PLPPR1: variants seen among roughly 807,000 people sequenced by gnomAD.
The protein encoded by PLPPR1 is phospholipid phosphatase related 1.
A neutral mutation model predicts 33.1 loss-of-function variants in PLPPR1; 10 were observed. The ratio of observed to expected loss-of-function variants is 0.30; its 90% CI spans 0.19 to 0.51. PLPPR1 has a LOEUF of 0.51. Among genes scored for constraint, PLPPR1 ranks in the 20% least tolerant of loss-of-function variants. The probability of loss-of-function intolerance (pLI) is 0.97; values close to 1 mark genes in which losing one functional copy is unlikely to be tolerated. For synonymous variants in PLPPR1, 151 were observed against 151.0 expected (o/e 1.00, Z 0.00); for missense variants, 304 against 408.1 (o/e 0.74, Z 2.20).
At chr9:101,321,836 CATTTAA>C (rs1188225376) in intron 7 of PLPPR1, among the ~76,000 whole-genome samples, 1 of 147,720 alleles carries the variant, frequency 6.8e-6, no homozygotes, top group Admixed American at 6.8e-5. Flanking sequence ...ACATACATAT[CATTTAA>C]TTTTGATTGG....
intron 2 of PLPPR1, among the ~76,000 whole-genome samples, chr9:101,211,047 G>A (rs535558923): frequency 1.8e-4 from 28 of 152,296 alleles, no homozygotes; most frequent in Admixed American, 1.5e-3. Context: ...GATTACAGGC[G>A]TAAGCCACCG....
At chr9:101,126,122 G>T (rs1215960132) in intron 1 of PLPPR1, among the ~76,000 whole-genome samples, 3 of 152,148 alleles carry the variant, frequency 2.0e-5, no homozygotes, top group Admixed American at 6.5e-5. Flanking sequence ...TCAGATACTT[G>T]ATTAACCCAA....
intron 1 of PLPPR1, among the ~76,000 whole-genome samples, chr9:101,153,533 C>T (rs577884543): frequency 6.6e-6 from 1 of 152,188 alleles, no homozygotes; most frequent in African/African-American, 2.4e-5. Flanking sequence ...GTGGGTTTGT[C>T]ATAAATAGCT....
chr9:101,101,984 G>T (rs1830906632), intron 1 of PLPPR1, among the ~76,000 whole-genome samples: 1 of 150,602 alleles, frequency 6.6e-6, no homozygotes, highest in African/African-American at 2.4e-5. Context: ...CTTCCATGCT[G>T]TTTATAAGTT....
At chr9:101,154,209 A>C (rs949143502) in intron 1 of PLPPR1, among the ~76,000 whole-genome samples, 1 of 152,168 alleles carries the variant, frequency 6.6e-6, no homozygotes, top group Non-Finnish European at 1.5e-5. Flanking sequence ...TGGTATCAGG[A>C]TGATCCTGGC....
intron 1 of PLPPR1, among the ~76,000 whole-genome samples, chr9:101,050,022 G>A (rs1830199497): frequency 1.3e-5 from 2 of 151,292 alleles, no homozygotes; most frequent in Non-Finnish European, 2.9e-5. Context: ...CTACTCGGGA[G>A]GCTGAGGCAG....
rs768050992 is a variant in PLPPR1, at chr9:101,269,993, C to T, written c.177C>T (p.Tyr59=). ...AGGACGGAGACTTAATGAAGCCTTA[C>T]CCAGGGACAGAGGAAGAAAGCTTCA... ...FCQDGDLMKP[Y]PGTEEESFIT... Residue 59 remains tyrosine (Y), a synonymous_variant, in exon 3 of 8, where the codon TAC becomes TAT. Coordinates refer to ENST00000374874, the MANE Select transcript of PLPPR1 (RefSeq NM_207299.2). The T allele has an allele frequency of 2.7e-5, 43 of 1,614,050 alleles. No individual in the cohort carries two copies. Among genetic ancestry groups the T allele is most frequent in the Middle Eastern group, 3.3e-4 (2 of 6,074 alleles).
intron 1 of PLPPR1, among the ~76,000 whole-genome samples, chr9:101,156,439 A>G (rs1319758215): frequency 2.0e-5 from 3 of 149,802 alleles, no homozygotes; most frequent in Non-Finnish European, 3.0e-5. Flanking sequence ...GGTCCCAACT[A>G]TTTGGGGGTG....
chr9:101,180,120 A>AT (rs1826078776), intron 1 of PLPPR1, among the ~76,000 whole-genome samples: 2 of 52,292 alleles, frequency 3.8e-5, no homozygotes, highest in Non-Finnish European at 8.6e-5. Context: ...ATATATATAT[A>AT]TATATATATA....
At chr9:101,034,276 A>G (rs1829983409) in intron 1 of PLPPR1, among the ~76,000 whole-genome samples, 1 of 152,116 alleles carries the variant, frequency 6.6e-6, no homozygotes. Flanking sequence ...GAGCATGCAA[A>G]GATATATTTG....
intron 2 of PLPPR1, among the ~76,000 whole-genome samples, chr9:101,230,850 C>G (rs1827169371): frequency 6.9e-6 from 1 of 145,436 alleles, no homozygotes; most frequent in Non-Finnish European, 1.5e-5. Flanking sequence ...TTGAACTAGT[C>G]ATTCTCTGCT....
Position 101,169,931 on chromosome 9 carries a change from C to T in PLPPR1, c.-45-15519C>T, listed in dbSNP as rs117438048. Among the ~76,000 whole-genome samples, 4 of 151,504 alleles carry T rather than the reference C, an allele frequency of 2.6e-5. No individual in the cohort carries two copies. The East Asian group carries it at 7.8e-4, about 30-fold the overall frequency. On this transcript the variant is annotated intron_variant, in intron 1 of 7. Coordinates refer to ENST00000374874, the MANE Select transcript of PLPPR1 (RefSeq NM_207299.2). ...GTTGCAGTAGGCAGAGATGATTGAC[C>T]TGAGACTTAGATTAAGACTATATTG...
Position 101,312,972 on chromosome 9 carries a change from C to A in PLPPR1, c.811C>A (p.Leu271Met). 1 of 1,614,006 alleles carries A rather than the reference C, an allele frequency of 6.2e-7. No individual in the cohort carries two copies. The highest frequency in any genetic ancestry group is 8.5e-7 in the Non-Finnish European group (1 of 1,179,896). ...FILGTAVALF[L>M]GMCVVHNFKG... ...CCTGGGCACTGCAGTGGCCCTGTTT[C>A]TGGTAGGTTGACTTCCCTCTTTTTA... is the stretch of plus-strand genomic sequence containing the variant. The change falls in exon 6 of 8, where the codon CTG (leucine) becomes ATG (methionine). Residue 271 changes from leucine (L) to methionine (M), a missense_variant and splice_region_variant. Transcript: ENST00000374874.
intron 2 of PLPPR1, among the ~76,000 whole-genome samples, chr9:101,234,107 G>C (rs928538715): frequency 1.1e-4 from 16 of 151,712 alleles, no homozygotes; most frequent in African/African-American, 3.9e-4. Context: ...TCTCCTCTAG[G>C]TTCATGGTCC....
At chr9:101,166,448 T>C (rs1825859723) in intron 1 of PLPPR1, among the ~76,000 whole-genome samples, 1 of 152,176 alleles carries the variant, frequency 6.6e-6, no homozygotes, top group South Asian at 2.1e-4. Flanking sequence ...AGGCAAGAAG[T>C]TGTGAAACTT....
Position 101,306,348 on chromosome 9 carries a change from C to T in PLPPR1, c.386-2863C>T, listed in dbSNP as rs527537807. Among the ~76,000 whole-genome samples, 17 of 152,330 alleles carry T rather than the reference C, an allele frequency of 1.1e-4. No homozygotes were observed. The East Asian group carries it at 2.9e-3, about 26-fold the overall frequency. ...CCTGAGGCGGGGAGCCTGTAAGTAC[C>T]TCTTTACTTCTGTAATCAGAACAGG... is the stretch of plus-strand genomic sequence containing the variant. On this transcript the variant is annotated intron_variant, in intron 4 of 7. Transcript: ENST00000374874.
intron 1 of PLPPR1, among the ~76,000 whole-genome samples, chr9:101,163,300 G>A (rs72741445): frequency 0.15 from 22,298 of 152,102 alleles, 1,985 homozygotes; most frequent in Non-Finnish European, 0.2. Flanking sequence ...AAATGCTGAG[G>A]GTAAGAACTT....
intron 1 of PLPPR1, among the ~76,000 whole-genome samples, chr9:101,162,529 C>A (rs569255189): frequency 5.3e-5 from 8 of 152,352 alleles, no homozygotes; most frequent in Middle Eastern, 3.4e-3. Flanking sequence ...TTTGTGCCAA[C>A]AGCATATGTA....
intron 4 of PLPPR1, among the ~76,000 whole-genome samples, chr9:101,299,697 T>C (rs1228494369): frequency 2.6e-5 from 4 of 152,264 alleles, no homozygotes; most frequent in African/African-American, 9.6e-5. Flanking sequence ...GACTGCTTTC[T>C]GTAGCACTTT....
Sources: allele counts gnomAD v4.1 joint callset (sites outside exome capture counted in the v4.1 genomes callset), GRCh38; gene constraint gnomAD v4.1.1; transcripts MANE v1.5; gene names NCBI Gene and HGNC (gene_info 2026-07-23, HGNC 2026-07-21).